PCDHA4: variants seen among roughly 807,000 people sequenced by gnomAD.
The protein encoded by PCDHA4 is protocadherin alpha 4.
A neutral mutation model predicts 61.4 loss-of-function variants in PCDHA4; 49 were observed. The ratio of observed to expected loss-of-function variants is 0.80; its 90% confidence interval spans 0.63 to 1.01. The LOEUF (loss-of-function observed/expected upper bound fraction) is 1.01, where lower values mean the gene tolerates loss of function less well. Ranked by LOEUF, PCDHA4 falls within the 50% of genes least tolerant of loss-of-function variation. The pLI, the probability that PCDHA4 is intolerant of heterozygous loss-of-function variation, is 0.00. For synonymous variants in PCDHA4, 590 were observed against 550.3 expected, an observed-to-expected ratio of 1.07 and a Z score of -1.01; for missense variants, 1,254 against 1,235.8, an observed-to-expected ratio of 1.01 and a Z score of -0.22.
intron 1 of PCDHA4, chr5:140,860,693 G>C (rs2046523245): frequency 6.6e-6 from 1 of 152,204 alleles, no homozygotes; most frequent in Non-Finnish European, 1.5e-5. Context: ...TTGAGCGACA[G>C]GATATTGTTG....
chr5:140,851,517 A>T, intron 1 of PCDHA4: 3 of 904,862 alleles, frequency 3.3e-6, no homozygotes, highest in Non-Finnish European at 4.0e-6. Context: ...AATATGTTTT[A>T]AAATGCCTGA....
At chr5:140,824,631 TTA>T (rs1491346501) in intron 1 of PCDHA4, 1,542 of 121,380 alleles carry the variant, frequency 0.013, 302 homozygotes, top group African/African-American at 0.054. Context: ...TTTTTTTTTT[TTA>T]TTTTCTGTAG....
At position 140,870,438 on chromosome 5, in the gene PCDHA4, C is replaced by T. The variant is rs192088459; in HGVS notation, c.2385+60866C>T. 3.9e-4 allele frequency: 630 copies of T among 1,614,178 alleles called. 3 individuals are homozygous for T. The African/African-American group carries it at 7.7e-3, about 20-fold the overall frequency. On this transcript the variant is annotated intron_variant, in intron 1 of 3. Coordinates refer to ENST00000530339, the MANE Select transcript of PCDHA4 (RefSeq NM_018907.4). ...CGGCCAGGGTATCCGTGGAGGTGGCCGACGTGAACGACAATGCGCCTGCGT... is the reference window on the plus strand; with the variant it reads ...CGGCCAGGGTATCCGTGGAGGTGGCTGACGTGAACGACAATGCGCCTGCGT...
At chr5:141,007,476 G>A (rs1412241964) in intron 3 of PCDHA4, among the ~76,000 whole-genome samples, 1 of 151,712 alleles carries the variant, frequency 6.6e-6, no homozygotes, top group Non-Finnish European at 1.5e-5. Context: ...GCTGAGGCAC[G>A]AGAATTACTT....
intron 1 of PCDHA4, chr5:140,871,192 G>T (rs1582019516): frequency 2.5e-6 from 4 of 1,613,668 alleles, no homozygotes; most frequent in Non-Finnish European, 3.4e-6. Flanking sequence ...GGATGTCAAC[G>T]TGTACCTGAT....
intron 1 of PCDHA4, among the ~76,000 whole-genome samples, chr5:140,947,554 G>T (rs977454594): frequency 1.3e-5 from 2 of 151,358 alleles, no homozygotes; most frequent in Non-Finnish European, 3.0e-5. Flanking sequence ...AATTCCGCTG[G>T]GATTTATATT....
chr5:140,899,531 CA>C (rs2067387177), intron 1 of PCDHA4, among the ~76,000 whole-genome samples: 1 of 152,140 alleles, frequency 6.6e-6, no homozygotes, highest in Non-Finnish European at 1.5e-5. Context: ...GGATGAAGCC[CA>C]CTTGATCATG....
At chr5:140,828,805 T>G in intron 1 of PCDHA4, 1 of 1,614,212 alleles carries the variant, frequency 6.2e-7, no homozygotes, top group Non-Finnish European at 8.5e-7. Context: ...TGAATGATAA[T>G]GCTCCCACTT....
rs2150132538 is a variant in PCDHA4, at chr5:140,824,142, A to G, written c.2385+14570A>G. 3 of 1,611,752 alleles carry G rather than the reference A, an allele frequency of 1.9e-6. No homozygotes were observed. The African/African-American group carries it at 4.0e-5, about 22-fold the overall frequency. ...CTACAGACAACGTGAGTTTTCTAAT[A>G]TTAACATCCATCTTTCCCTCCCAAT... On this transcript the variant is annotated intron_variant, in intron 1 of 3. Transcript: ENST00000530339.
chr5:141,006,448 C>T lies in PCDHA4; in HGVS notation c.2534-3179C>T, dbSNP rs968765348. ...CAGGATGGTCTCAATCTCCTGACCT[C>T]GAGATCTGCCTGTCTCGGCCTCCCA... On this transcript the variant is annotated intron_variant, in intron 3 of 3. Coordinates refer to ENST00000530339, the MANE Select transcript of PCDHA4 (RefSeq NM_018907.4). Among the ~76,000 whole-genome samples, 4 of 152,122 alleles carry T rather than the reference C, an allele frequency of 2.6e-5. No homozygotes were observed. In the East Asian group the frequency reaches 7.7e-4, roughly 29 times the overall value.
chr5:140,968,715 A>G, intron 1 of PCDHA4: 1 of 1,614,132 alleles, frequency 6.2e-7, no homozygotes, highest in Non-Finnish European at 8.5e-7. Context: ...AAGATGGGAG[A>G]TGAGAGTGGT....
chr5:140,961,400 C>T (rs929653995), intron 1 of PCDHA4, among the ~76,000 whole-genome samples: 10 of 152,186 alleles, frequency 6.6e-5, no homozygotes, highest in African/African-American at 2.4e-4. Context: ...TTAGTAAACA[C>T]TTTTTGGCAT....
intron 3 of PCDHA4, among the ~76,000 whole-genome samples, chr5:140,999,171 C>T (rs1482438264): frequency 1.3e-5 from 2 of 152,054 alleles, no homozygotes; most frequent in African/African-American, 4.8e-5. Context: ...AGGAAAAGAG[C>T]CTGATGGGGA....
chr5:140,822,590 T>A (rs1767358678), intron 1 of PCDHA4: 1 of 1,612,192 alleles, frequency 6.2e-7, no homozygotes, highest in African/African-American at 1.3e-5. Flanking sequence ...GATGAGGGCA[T>A]CAATAAGGAA....
At chr5:140,941,202 C>CCTTTCTTCCTTCCTTTCTTTCTTT (rs1394736170) in intron 1 of PCDHA4, among the ~76,000 whole-genome samples, 4 of 122,742 alleles carry the variant, frequency 3.3e-5, no homozygotes, top group African/African-American at 5.9e-5. Context: ...TTTCTTTCTT[C>CCTTTCTTCCTTCCTTTCTTTCTTT]CTTTCTTTCT....
chr5:140,848,641 C>T, intron 1 of PCDHA4: 1 of 1,593,240 alleles, frequency 6.3e-7, no homozygotes, highest in South Asian at 1.1e-5. Flanking sequence ...GGCCGCATCG[C>T]GCAGGACCTG....
In PCDHA4 at chr5:140,882,900, T is replaced by C. The variant is rs151159619; in HGVS notation, c.2385+73328T>C. 8.7e-6 allele frequency: 14 copies of C among 1,614,106 alleles called. No individual in the cohort carries two copies. In the African/African-American group the frequency reaches 1.2e-4, roughly 14 times the overall value. The stretch of plus-strand genomic sequence containing the variant: ...GAGGAAATTCAGGAACATAGTTTAT[T>C]ACTGACAGCCAGTGATGGAGGTAAA... On this transcript the variant is annotated intron_variant, in intron 1 of 3. Transcript: ENST00000530339.
chr5:140,967,922 G>T (rs782146005), intron 1 of PCDHA4: 1 of 1,614,198 alleles, frequency 6.2e-7, no homozygotes, highest in South Asian at 1.1e-5. Flanking sequence ...CATTGTGGCC[G>T]TTCTCAGTGT....
chr5:140,902,599 G>A (rs981296505), intron 1 of PCDHA4, among the ~76,000 whole-genome samples: 14 of 152,024 alleles, frequency 9.2e-5, no homozygotes, highest in Admixed American at 3.3e-4. Flanking sequence ...GAAACAGGTC[G>A]TTTTCAGTTA....
Sources: gnomAD v4.1 joint callset for allele counts (sites outside exome capture counted in the v4.1 genomes callset) on GRCh38, gnomAD v4.1.1 for gene constraint, MANE v1.5 for transcripts, NCBI Gene and HGNC (gene_info 2026-07-23, HGNC 2026-07-21) for gene names.